The following C16orf96 variants were observed in gnomAD, a reference collection of about 807,000 sequenced individuals.
The protein encoded by C16orf96 is chromosome 16 open reading frame 96, also known as uncharacterized protein C16orf96.
In C16orf96, 108 loss-of-function variants were observed where a neutral mutation model predicts 103.6. The ratio of observed to expected loss-of-function variants is 1.04; its 90% CI spans 0.89 to 1.22. C16orf96 has a LOEUF of 1.22. Ranked by LOEUF, C16orf96 falls within the 50% of genes most tolerant of loss-of-function variation. The probability of loss-of-function intolerance (pLI) is 0.00; values close to 1 mark genes in which losing one functional copy is unlikely to be tolerated. For missense variants in C16orf96, 1,586 were observed against 1,464.2 expected (o/e 1.08, Z -1.36); for synonymous variants, 566 against 593.5 (o/e 0.95, Z 0.67).
chr16:4,563,163 T>C (rs773248116), intron 1 of C16orf96: 22 of 758,542 alleles, frequency 2.9e-5, no homozygotes, highest in Non-Finnish European at 4.2e-5. Flanking sequence ...CCAGAAGAGT[T>C]TGAAGAAACA....
At chr16:4,552,988 C>T (rs560841013), upstream of C16orf96, among the ~76,000 whole-genome samples, 15 of 152,250 alleles carry the variant, frequency 9.9e-5, no homozygotes, top group South Asian at 3.1e-3. Flanking sequence ...TTACTGAGCA[C>T]CTACTGTGTG....
At chr16:4,565,645 C>T (rs1052398651) in intron 1 of C16orf96, among the ~76,000 whole-genome samples, 14 of 152,296 alleles carry the variant, frequency 9.2e-5, no homozygotes, top group African/African-American at 3.1e-4. Flanking sequence ...CCCACCACCA[C>T]ACCCGGCTAA....
chr16:4,544,534 G>A, the C16orf96 span, among the ~76,000 whole-genome samples: 2 of 152,210 alleles, frequency 1.3e-5, no homozygotes, highest in Non-Finnish European at 1.5e-5. Context: ...TTAAGACCGG[G>A]AGGCTGGAGT....
In C16orf96 at chr16:4,600,701, C is replaced by G. The variant is rs1315030668; in HGVS notation, c.*384C>G. On this transcript the variant is annotated 3_prime_UTR_variant, in exon 16 of 16. Coordinates refer to ENST00000444310, the MANE Select transcript of C16orf96 (RefSeq NM_001145011.2). ...TTTATCCTGTGCATATAAATACAAA[C>G]AGCACAGTGCACATTCTCATTCTAC... 4.2e-6 allele frequency: 1 copy of G among 235,458 alleles called. No individual in the cohort carries two copies. Among genetic ancestry groups the G allele is most frequent in the African/African-American group, 2.3e-5 (1 of 44,334 alleles). The allele number at this position is 235,458 out of a possible 1,614,324, so 14.6% of individuals were successfully genotyped here.
At chr16:4,584,320 T>G (rs1896862364) in intron 7 of C16orf96, among the ~76,000 whole-genome samples, 1 of 150,500 alleles carries the variant, frequency 6.6e-6, no homozygotes, top group Non-Finnish European at 1.5e-5. Flanking sequence ...CCTGAGTAGC[T>G]GGGACTACAG....
chr16:4,585,942 A>G (rs1219003499), intron 7 of C16orf96, among the ~76,000 whole-genome samples: 4 of 152,126 alleles, frequency 2.6e-5, no homozygotes, highest in Non-Finnish European at 5.9e-5. Flanking sequence ...GACTCAGGAT[A>G]ATAGAGAGAG....
chr16:4,598,102 A>G (rs1897210819), intron 14 of C16orf96, among the ~76,000 whole-genome samples: 1 of 152,198 alleles, frequency 6.6e-6, no homozygotes, highest in Non-Finnish European at 1.5e-5. Flanking sequence ...CTGTAATCCC[A>G]GCACTTTGGG....
chr16:4,568,643 T>G (rs1013989258), intron 1 of C16orf96, among the ~76,000 whole-genome samples: 28 of 148,786 alleles, frequency 1.9e-4, no homozygotes, highest in Non-Finnish European at 3.6e-4. Flanking sequence ...TTTTTTTTTT[T>G]TTTGAGACAG....
chr16:4,599,326 G>T lies in C16orf96; in HGVS notation c.3170G>T (p.Arg1057Leu). The T allele has an allele frequency of 6.4e-7, 1 of 1,551,628 alleles. No individual in the cohort carries two copies. The highest frequency in any genetic ancestry group is 8.7e-7 in the Non-Finnish European group (1 of 1,146,962). The change falls in exon 15 of 16, where the codon CGT becomes CTT. Residue 1057 changes from arginine to leucine, a missense_variant. Physicochemically the swap from Arg to Leu is moderately radical, Grantham distance 102. Transcript: ENST00000444310. ...CCCCCGTCACAAAGCCTGTATGACC[G>T]TGTGCACTCCAGTGCCCTATTTGGC... is the stretch of plus-strand genomic sequence containing the variant. ...PSPPSQSLYD[R>L]VHSSALFGAI...
chr16:4,579,992 G>A, intron 6 of C16orf96, 23 bp from the exon 7 acceptor site: 1 of 1,538,966 alleles, frequency 6.5e-7, no homozygotes, highest in Non-Finnish European at 8.8e-7. Context: ...GAGGCCTGGG[G>A]TGTCTGTGTC....
At position 4,575,938 on chromosome 16, in the gene C16orf96, T is replaced by G. The variant is rs769355112; in HGVS notation, c.1458T>G (p.Asp486Glu). Residue 486 changes from aspartate (D) to glutamate (E), a missense_variant, in exon 5 of 16, where the codon GAT becomes GAG. Asp to Glu is a conservative substitution (Grantham distance 45). Transcript: ENST00000444310. ...CCCCCAAGGATAGAACTCGCAAGGA[T>G]GGGGTCCCCAAAGATAGAGGTGGCA... The part of the protein sequence containing the change: ...DGAPKDRTRK[D>E]GVPKDRGGKD... 3 of 1,551,214 alleles carry G rather than the reference T, an allele frequency of 1.9e-6. No individual in the cohort carries two copies. The highest frequency in any genetic ancestry group is 2.6e-6 in the Non-Finnish European group (3 of 1,146,940).
chr16:4,588,046 GC>G (rs1896970048), intron 8 of C16orf96, 120 bp from the exon 9 acceptor site: 2 of 1,024,756 alleles, frequency 2.0e-6, no homozygotes. Flanking sequence ...TTGCATTTAA[GC>G]CAAGGCTAAA....
chr16:4,575,170 G>T lies in C16orf96; in HGVS notation c.694-4G>T. 8 of 1,545,402 alleles carry T rather than the reference G, an allele frequency of 5.2e-6. No homozygotes were observed. Among genetic ancestry groups the T allele is most frequent in the Non-Finnish European group, 7.0e-6 (8 of 1,146,450 alleles). The stretch of plus-strand genomic sequence containing the variant: ...GCAGAGCCCCTCTGCCCCCTCTTCT[G>T]CAGGAAATTGGTTCATCACCACTGG... On this transcript the variant is annotated splice_region_variant and splice_polypyrimidine_tract_variant and intron_variant, in intron 4 of 15. Coordinates refer to ENST00000444310, the MANE Select transcript of C16orf96 (RefSeq NM_001145011.2).
Position 4,575,906 on chromosome 16 carries a change from G to A in C16orf96, c.1426G>A (p.Asp476Asn). The change falls in exon 5 of 16, where the codon GAT (aspartate) becomes AAT (asparagine). Residue 476 changes from aspartate (D) to asparagine (N), a missense_variant. By Grantham distance (23) the Asp-to-Asn change is conservative. Transcript: ENST00000444310. ...LRGLRERARK[D>N]GAPKDRTRKD... ...GGGCCTTCGGGAGAGGGCCCGCAAG[G>A]ATGGGGCCCCCAAGGATAGAACTCG... is the stretch of plus-strand genomic sequence containing the variant. The A allele has an allele frequency of 6.4e-7, 1 of 1,551,616 alleles. No individual in the cohort carries two copies. Among genetic ancestry groups the A allele is most frequent in the Non-Finnish European group, 8.7e-7 (1 of 1,146,990 alleles).
the C16orf96 span, among the ~76,000 whole-genome samples, chr16:4,547,173 C>T: frequency 5.9e-5 from 9 of 151,976 alleles, no homozygotes; most frequent in Non-Finnish European, 4.4e-5. Context: ...CTCGCTCTGT[C>T]GCCCAGGCTG....
chr16:4,574,760 T>G lies in C16orf96; in HGVS notation c.577T>G (p.Trp193Gly). The stretch of plus-strand genomic sequence containing the variant: ...TGCTGAAGACTTCAAAATACAGAAC[T>G]GGAAGATGGTTGCACTGCAGCGGGA... ...IFAEDFKIQN[W>G]KMVALQREVA... The change falls in exon 3 of 16, where the codon TGG (tryptophan) becomes GGG (glycine). Residue 193 changes from tryptophan to glycine, a missense_variant. Transcript: ENST00000444310. 6.4e-7 allele frequency: 1 copy of G among 1,551,874 alleles called. No homozygotes were observed. Among genetic ancestry groups the G allele is most frequent in the South Asian group, 1.2e-5 (1 of 84,066 alleles).
intron 7 of C16orf96, among the ~76,000 whole-genome samples, chr16:4,581,787 A>G (rs1427613043): frequency 6.6e-6 from 1 of 151,742 alleles, no homozygotes; most frequent in Non-Finnish European, 1.5e-5. Flanking sequence ...AACTGTCTCT[A>G]CAAAAAAAAA....
chr16:4,558,128 T>G (rs1314986086), intron 1 of C16orf96, among the ~76,000 whole-genome samples: 1 of 152,226 alleles, frequency 6.6e-6, no homozygotes, highest in African/African-American at 2.4e-5. Context: ...GAGGCATTCC[T>G]TCTGCCTTAC....
rs2059490511 is a variant in C16orf96 at position 4,575,389 on chromosome 16, C to G, written c.909C>G (p.Ala303=). Residue 303 remains alanine (A), a synonymous_variant, in exon 5 of 16, where the codon GCC becomes GCG. Coordinates refer to ENST00000444310, the MANE Select transcript of C16orf96 (RefSeq NM_001145011.2). ...CCCAAGCAGTTTCACTCAGCAGAGC[C>G]CAGGAGCCAGCGCAGCCTCCGGCCC... ...SSAQAVSLSR[A]QEPAQPPALT... 6.4e-7 allele frequency: 1 copy of G among 1,550,706 alleles called. No homozygotes were observed. The highest frequency in any genetic ancestry group is 8.7e-7 in the Non-Finnish European group (1 of 1,146,944).
Sources: allele counts gnomAD v4.1 joint callset (sites outside exome capture counted in the v4.1 genomes callset), GRCh38; gene constraint gnomAD v4.1.1; transcripts MANE v1.5; gene names NCBI Gene and HGNC (gene_info 2026-07-23, HGNC 2026-07-21).